Variants in RHOJ observed in about 807,000 individuals in gnomAD.
The protein encoded by RHOJ is rho-related GTP-binding protein RhoJ.
In RHOJ, 11 loss-of-function variants were observed where a neutral mutation model predicts 23.4. That is an observed-to-expected ratio of 0.47 (90% CI 0.30 to 0.78). The LOEUF (loss-of-function observed/expected upper bound fraction) is 0.78. Ranked by LOEUF, RHOJ falls within the 30% of genes least tolerant of loss-of-function variation. The probability of loss-of-function intolerance (pLI) is 0.08; values close to 1 mark genes in which losing one functional copy is unlikely to be tolerated. For synonymous variants in RHOJ, 102 were observed against 102.7 expected (o/e 0.99, Z 0.04); for missense variants, 254 against 273.4 (o/e 0.93, Z 0.50).
chr14:63,268,397 G>GT (rs1270248169), intron 1 of RHOJ, among the ~76,000 whole-genome samples: 1 of 152,128 alleles, frequency 6.6e-6, no homozygotes, highest in African/African-American at 2.4e-5. Flanking sequence ...TGGCAAAGTA[G>GT]TAAGCTACTG....
chr14:63,250,351 C>T (rs1895047574), intron 1 of RHOJ, among the ~76,000 whole-genome samples: 1 of 151,954 alleles, frequency 6.6e-6, no homozygotes, highest in African/African-American at 2.4e-5. Context: ...CTCAAGTGAT[C>T]CTCCCACCTC....
intron 1 of RHOJ, among the ~76,000 whole-genome samples, chr14:63,232,240 T>C (rs1286041503): frequency 2.6e-5 from 4 of 152,228 alleles, no homozygotes; most frequent in Non-Finnish European, 5.9e-5. Flanking sequence ...CAAGCATACT[T>C]TTCTTTTCTG....
chr14:63,212,580 C>A (rs1894263004), intron 1 of RHOJ, among the ~76,000 whole-genome samples: 1 of 152,038 alleles, frequency 6.6e-6, no homozygotes, highest in Non-Finnish European at 1.5e-5. Context: ...GGTGGTGGGA[C>A]AGGAATGGGA....
chr14:63,223,834 T>TG (rs58341246), intron 1 of RHOJ, among the ~76,000 whole-genome samples: 16,196 of 152,176 alleles, frequency 0.11, 1,012 homozygotes, highest in African/African-American at 0.16. Context: ...TTTTTTTCCA[T>TG]GAAAGCTCTT....
At chr14:63,257,192 C>T (rs533083586) in intron 1 of RHOJ, among the ~76,000 whole-genome samples, 1 of 143,388 alleles carries the variant, frequency 7.0e-6, no homozygotes. Flanking sequence ...GAGACGAAAT[C>T]GCACCACTGT....
intron 1 of RHOJ, among the ~76,000 whole-genome samples, chr14:63,238,316 C>A (rs1195356899): frequency 6.6e-6 from 1 of 152,146 alleles, no homozygotes; most frequent in Non-Finnish European, 1.5e-5. Flanking sequence ...TTTTAGGAAG[C>A]CATGTAAACT....
chr14:63,218,022 CTAAT>C (rs1385579012), intron 1 of RHOJ, among the ~76,000 whole-genome samples: 3 of 152,080 alleles, frequency 2.0e-5, no homozygotes, highest in Non-Finnish European at 2.9e-5. Context: ...TTAGATCAAA[CTAAT>C]TAAATGTAGA....
chr14:63,218,321 C>T (rs1894410654), intron 1 of RHOJ, among the ~76,000 whole-genome samples: 2 of 152,100 alleles, frequency 1.3e-5, no homozygotes, highest in South Asian at 4.1e-4. Context: ...ACCCAAAAAT[C>T]TGCATTTTTA....
At chr14:63,216,271 G>A (rs1297323529) in intron 1 of RHOJ, among the ~76,000 whole-genome samples, 1 of 151,974 alleles carries the variant, frequency 6.6e-6, no homozygotes, top group Non-Finnish European at 1.5e-5. Context: ...AGAGGCAAAG[G>A]GAAAAACTTA....
Position 63,281,200 on chromosome 14 carries a change from C to T in RHOJ, c.402+65C>T, listed in dbSNP as rs1241466446. 1.5e-5 allele frequency: 22 copies of T among 1,459,734 alleles called. No homozygotes were observed. The South Asian group carries it at 1.9e-4, about 13-fold the overall frequency. The allele number at this position is 1,459,734 out of a possible 1,614,324, so 90.4% of individuals were successfully genotyped here. A position where few individuals can be genotyped will look rare whatever the true frequency, so the allele number is the denominator to read the frequency against. ...AAATGGGAAGACCCTTTAGGTACCT[C>T]GTGAACATCCTATTCTGCCAAACGC... On this transcript the variant is annotated intron_variant, in intron 3 of 4. Transcript: ENST00000316754.
intron 1 of RHOJ, among the ~76,000 whole-genome samples, chr14:63,230,610 A>G (rs1314333172): frequency 6.6e-6 from 1 of 152,070 alleles, no homozygotes; most frequent in South Asian, 2.1e-4. Context: ...ATCATGCTGT[A>G]TAAAAACGAG....
In RHOJ at chr14:63,277,434, C is replaced by G. The variant is rs375044350; in HGVS notation, c.238-3537C>G. 4.3e-4 allele frequency among the ~76,000 whole-genome samples: 66 copies of G among 152,302 alleles called. No individual in the cohort carries two copies. In the East Asian group the frequency reaches 8.5e-3, roughly 20 times the overall value. On this transcript the variant is annotated intron_variant, in intron 2 of 4. Transcript: ENST00000316754. ...AAGTCAGAACTCCCAGATACGCAGGCCCACTCTCCAGAGATTCTAATTTAG... is the reference window on the plus strand; with the variant it reads ...AAGTCAGAACTCCCAGATACGCAGGGCCACTCTCCAGAGATTCTAATTTAG...
rs535589275 is a variant in RHOJ, at chr14:63,227,066, C to T, written c.178+22019C>T. Among the ~76,000 whole-genome samples, 158 of 152,272 alleles carry T rather than the reference C, an allele frequency of 1.0e-3. 1 individual carries two copies. Among genetic ancestry groups the T allele is most frequent in the Non-Finnish European group, 1.7e-3 (114 of 68,018 alleles). Reference sequence around the variant, plus strand: ...TCCTGGGTTCAAGCGATTCTCCCACCTCAACCTGCCAAGTAGCTGGGATTA... The same window carrying T: ...TCCTGGGTTCAAGCGATTCTCCCACTTCAACCTGCCAAGTAGCTGGGATTA... On this transcript the variant is annotated intron_variant, in intron 1 of 4. Transcript: ENST00000316754.
At position 63,208,066 on chromosome 14, in the gene RHOJ, C is replaced by A. The variant is rs191182333; in HGVS notation, c.178+3019C>A. On this transcript the variant is annotated intron_variant, in intron 1 of 4. Coordinates refer to ENST00000316754, the MANE Select transcript of RHOJ (RefSeq NM_020663.5). ...ATGTATTTTCTTCATAAAATAGTTA[C>A]CATGTTTACTGATAATTAACAATAT... Among the ~76,000 whole-genome samples, 597 of 152,056 alleles carry A rather than the reference C, an allele frequency of 3.9e-3. 2 individuals are homozygous for A. Among genetic ancestry groups the A allele is most frequent in the African/African-American group, 0.014 (573 of 41,460 alleles).
intron 1 of RHOJ, among the ~76,000 whole-genome samples, chr14:63,216,059 A>G (rs1181169427): frequency 1.3e-5 from 2 of 152,244 alleles, no homozygotes; most frequent in Non-Finnish European, 2.9e-5. Context: ...CACCATGAGC[A>G]TACATTAAAA....
Position 63,207,876 on chromosome 14 carries a change from C to T in RHOJ, c.178+2829C>T, listed in dbSNP as rs75372059. Among the ~76,000 whole-genome samples, 1,090 of 152,204 alleles carry T rather than the reference C, an allele frequency of 7.2e-3. 33 individuals are homozygous for T. In the East Asian group the frequency reaches 0.1, roughly 14 times the overall value. On this transcript the variant is annotated intron_variant, in intron 1 of 4. Transcript: ENST00000316754. ...ATGTAAAGTTCTTAGAACAGTGCCT[C>T]ATGTGTGATAAGAGTTAGGTACATG...
At chr14:63,288,725 G>A (rs1468573993) in intron 4 of RHOJ, among the ~76,000 whole-genome samples, 1 of 152,068 alleles carries the variant, frequency 6.6e-6, no homozygotes, top group Non-Finnish European at 1.5e-5. Context: ...ATCCAACATC[G>A]TTTTCTTTTG....
intron 1 of RHOJ, among the ~76,000 whole-genome samples, chr14:63,234,660 C>T (rs1894756135): frequency 6.6e-6 from 1 of 151,168 alleles, no homozygotes; most frequent in African/African-American, 2.4e-5. Context: ...CATATTTGAA[C>T]ATGAAAGAGT....
intron 2 of RHOJ, among the ~76,000 whole-genome samples, chr14:63,271,791 T>A (rs1470859736): frequency 6.6e-6 from 1 of 151,888 alleles, no homozygotes; most frequent in Non-Finnish European, 1.5e-5. Context: ...GAGACGGAGG[T>A]TTCACCATGT....
Sources: gnomAD v4.1 joint callset for allele counts (sites outside exome capture counted in the v4.1 genomes callset) on GRCh38, gnomAD v4.1.1 for gene constraint, MANE v1.5 for transcripts, NCBI Gene and HGNC (gene_info 2026-07-23, HGNC 2026-07-21) for gene names.